Variants in SLC9A7 observed in about 807,000 individuals in gnomAD.
The protein encoded by SLC9A7 is sodium/hydrogen exchanger 7.
In SLC9A7, 19 loss-of-function variants were observed where a neutral mutation model predicts 52.6. That is an observed-to-expected ratio of 0.36 (90% confidence interval 0.25 to 0.53). The LOEUF is 0.53. Among genes scored for constraint, SLC9A7 ranks in the 20% least tolerant of loss-of-function variants. SLC9A7 has a pLI of 0.91. For synonymous variants in SLC9A7, 226 were observed against 252.1 expected, an observed-to-expected ratio of 0.90 and a Z score of 0.98; for missense variants, 455 against 597.9, an observed-to-expected ratio of 0.76 and a Z score of 2.49.
At chrX:46,612,375 G>A (rs1942865717) in intron 16 of SLC9A7, among the ~76,000 whole-genome samples, 1 of 111,429 alleles carries the variant, frequency 9.0e-6, no homozygotes, top group Non-Finnish European at 1.9e-5. Flanking sequence ...TCTCTGCCCT[G>A]TACCCTGCAA....
At chrX:46,652,353 T>A (rs1943597381) in intron 8 of SLC9A7, among the ~76,000 whole-genome samples, 1 of 110,610 alleles carries the variant, frequency 9.0e-6, no homozygotes, top group South Asian at 3.9e-4. Flanking sequence ...GGTTTCTCCA[T>A]CTTGCCCAGG....
At position 46,601,122 on chromosome X, in the gene SLC9A7, GCTGA is replaced by G. The variant is rs1942654520; in HGVS notation, c.*5826_*5829del. The G allele has an allele frequency of 8.9e-6, 1 of 112,421 alleles. No individual in the cohort carries two copies. The highest frequency in any genetic ancestry group is 9.4e-5 in the Admixed American group (1 of 10,583). The allele number at this position is 112,421 out of a possible 1,213,427, so 9.3% of individuals were successfully genotyped here. A position where few individuals can be genotyped will look rare whatever the true frequency, so the allele number is the denominator to read the frequency against. ...AGTCATATACTTGTGAGATCAGCAG[GCTGA>G]CTTTCTAGCAGCCCTCATTGCAGAT... On this transcript the variant is annotated 3_prime_UTR_variant, in exon 17 of 17. Coordinates refer to ENST00000616978, the MANE Select transcript of SLC9A7 (RefSeq NM_001257291.2).
chrX:46,662,198 A>G, intron 6 of SLC9A7, 41 bp from the exon 7 acceptor site: 2 of 1,148,200 alleles, frequency 1.7e-6, no homozygotes, highest in Non-Finnish European at 2.4e-6. Context: ...AAGACTGCAC[A>G]GGTTTTACAC....
intron 1 of SLC9A7, among the ~76,000 whole-genome samples, chrX:46,755,558 C>T (rs1360657361): frequency 1.8e-5 from 2 of 110,897 alleles, no homozygotes; most frequent in Non-Finnish European, 3.8e-5. Flanking sequence ...CAGCCGGGTG[C>T]GGTGGCTCAC....
chrX:46,653,839 G>C lies in SLC9A7; in HGVS notation c.1042-125C>G, dbSNP rs182501925. On this transcript the variant is annotated intron_variant, in intron 7 of 16. Transcript: ENST00000616978. ...TTCCCTTCAACCTTTTTTTTTTTTT[G>C]GAGGCTCTAAAGCTGCTGGAGATTT... 8.2e-5 allele frequency: 35 copies of C among 427,554 alleles called. No individual in the cohort carries two copies. The Admixed American group carries it at 1.4e-3, about 17-fold the overall frequency. The allele number at this position is 427,554 out of a possible 1,213,427, so 35.2% of individuals were successfully genotyped here. A position where few individuals can be genotyped will look rare whatever the true frequency, so the allele number is the denominator to read the frequency against.
intron 14 of SLC9A7, among the ~76,000 whole-genome samples, chrX:46,624,374 A>G (rs1239910556): frequency 8.9e-6 from 1 of 112,089 alleles, no homozygotes; most frequent in East Asian, 2.8e-4. Context: ...AGTGAGTTAA[A>G]CTGTAGGAGG....
At chrX:46,693,018 T>C (rs1231069424) in intron 1 of SLC9A7, among the ~76,000 whole-genome samples, 1 of 111,184 alleles carries the variant, frequency 9.0e-6, no homozygotes, top group Non-Finnish European at 1.9e-5. Context: ...ATTGTACAAA[T>C]ACTCGTTCTG....
intron 13 of SLC9A7, among the ~76,000 whole-genome samples, chrX:46,634,376 G>T (rs1035460077): frequency 4.5e-5 from 5 of 110,924 alleles, no homozygotes; most frequent in Non-Finnish European, 9.4e-5. Flanking sequence ...GGTATAATTT[G>T]TCCATTCTGA....
intron 5 of SLC9A7, among the ~76,000 whole-genome samples, chrX:46,669,167 CAAA>C (rs35516404): frequency 8.1e-5 from 6 of 74,409 alleles, no homozygotes; most frequent in Admixed American, 1.5e-4. Flanking sequence ...GACTCTGTCT[CAAA>C]AAAAAAAAAA....
intron 1 of SLC9A7, among the ~76,000 whole-genome samples, chrX:46,757,184 C>T (rs1468921142): frequency 8.9e-6 from 1 of 111,988 alleles, no homozygotes; most frequent in Non-Finnish European, 1.9e-5. Flanking sequence ...TCAATTCCCC[C>T]CTGTCTGTCT....
chrX:46,650,449 A>G (rs1218783701), intron 10 of SLC9A7, among the ~76,000 whole-genome samples: 1 of 107,185 alleles, frequency 9.3e-6, no homozygotes, highest in East Asian at 2.9e-4. Flanking sequence ...ATATTTTTCT[A>G]TTTTATCTTT....
chrX:46,748,404 G>GAAGC (rs1921973099), intron 1 of SLC9A7, among the ~76,000 whole-genome samples: 1 of 105,295 alleles, frequency 9.5e-6, no homozygotes, highest in African/African-American at 3.5e-5. Context: ...AGGAAGGAAG[G>GAAGC]AAGGAAGGAA....
At chrX:46,719,335 C>T (rs1428944890) in intron 1 of SLC9A7, among the ~76,000 whole-genome samples, 2 of 108,628 alleles carry the variant, frequency 1.8e-5, no homozygotes, top group Non-Finnish European at 3.8e-5. Context: ...AGGAGATACA[C>T]CTAACGTAAA....
intron 1 of SLC9A7, among the ~76,000 whole-genome samples, chrX:46,707,425 T>C (rs1434977139): frequency 1.8e-5 from 2 of 111,719 alleles, no homozygotes; most frequent in Admixed American, 1.9e-4. Context: ...AGGCAGCCCC[T>C]ACCAAAAAGC....
intron 1 of SLC9A7, among the ~76,000 whole-genome samples, chrX:46,717,289 T>TGTAATAAAGTGTTTTGA (rs1396372742): frequency 8.9e-6 from 1 of 112,435 alleles, no homozygotes; most frequent in Non-Finnish European, 1.9e-5. Context: ...CTTGTATTTG[T>TGTAATAAAGTGTTTTGA]GTAATAAAGT....
At chrX:46,678,169 G>GT (rs1944148997) in intron 3 of SLC9A7, among the ~76,000 whole-genome samples, 1 of 110,730 alleles carries the variant, frequency 9.0e-6, no homozygotes, top group Non-Finnish European at 1.9e-5. Flanking sequence ...CCTAGCTAGA[G>GT]TTTATCAGTT....
At chrX:46,700,426 G>C (rs1399917535) in intron 1 of SLC9A7, among the ~76,000 whole-genome samples, 1 of 112,371 alleles carries the variant, frequency 8.9e-6, no homozygotes, top group African/African-American at 3.2e-5. Flanking sequence ...TTCCTGACCT[G>C]TTTGTCACTC....
intron 10 of SLC9A7, 82 bp from the exon 11 acceptor site, chrX:46,648,879 A>C (rs1943537100): frequency 2.8e-6 from 2 of 709,024 alleles, no homozygotes; most frequent in Admixed American, 2.5e-5. Flanking sequence ...AGAGAATTTT[A>C]GGAATGCTGT....
chrX:46,745,688 AT>A (rs1359941357), intron 1 of SLC9A7, among the ~76,000 whole-genome samples: 1 of 110,235 alleles, frequency 9.1e-6, no homozygotes, highest in Non-Finnish European at 1.9e-5. Context: ...TAAAAAAAAA[AT>A]TTTTAATTAG....
Sources: gnomAD v4.1 joint callset for allele counts (sites outside exome capture counted in the v4.1 genomes callset) on GRCh38, gnomAD v4.1.1 for gene constraint, MANE v1.5 for transcripts, NCBI Gene and HGNC (gene_info 2026-07-23, HGNC 2026-07-21) for gene names.